CAMTA1: variants seen among roughly 807,000 people sequenced by gnomAD.
The protein encoded by CAMTA1 is calmodulin binding transcription activator 1.
In CAMTA1, 27 loss-of-function variants were observed where a neutral mutation model predicts 170.9. The observed-to-expected ratio is 0.16, with a 90% confidence interval of 0.12 to 0.22. The LOEUF is 0.22. CAMTA1 is among the 10% of genes least tolerant of loss of function. The pLI is 1.00. For missense variants in CAMTA1, 1,619 were observed against 2,217.2 expected (o/e 0.73, Z 5.42); for synonymous variants, 833 against 891.5 (o/e 0.93, Z 1.17).
chr1:6,866,538 TATTTTATGATC>T (rs1478551470), intron 3 of CAMTA1, among the ~76,000 whole-genome samples: 1 of 152,216 alleles, frequency 6.6e-6, no homozygotes, highest in African/African-American at 2.4e-5. Context: ...ATTTGATTTG[TATTTTATGATC>T]ATTTTTCCCT....
Position 6,918,516 on chromosome 1 carries a change from TTACTG to T in CAMTA1, c.234+93311_234+93315del, listed in dbSNP as rs542250726. On this transcript the variant is annotated intron_variant, in intron 3 of 22. Coordinates refer to ENST00000303635, the MANE Select transcript of CAMTA1 (RefSeq NM_015215.4). This position sits in a 1 kb window ranked among gnomAD's most constrained non-coding sequence, Gnocchi z 4.0. ...CCAATTGCATATAAATGTCTCGGCT[TTACTG>T]TACTATTTGTGCTTGAGAAATACTG... is the stretch of plus-strand genomic sequence containing the variant. 7.2e-5 allele frequency among the ~76,000 whole-genome samples: 11 copies of T among 152,352 alleles called. No individual in the cohort carries two copies. In the East Asian group the frequency reaches 1.7e-3, roughly 24 times the overall value.
chr1:7,137,675 C>G (rs1352056116), intron 4 of CAMTA1, among the ~76,000 whole-genome samples: 1 of 152,180 alleles, frequency 6.6e-6, no homozygotes, highest in Non-Finnish European at 1.5e-5. Flanking sequence ...AGCTTTGGCA[C>G]TTCCTGCTTC....
At chr1:7,156,279 A>G (rs1019233081) in intron 4 of CAMTA1, among the ~76,000 whole-genome samples, 1 of 151,606 alleles carries the variant, frequency 6.6e-6, no homozygotes, top group Non-Finnish European at 1.5e-5. Flanking sequence ...CCACCTCAAA[A>G]AAAAAAAAAA....
Position 7,282,363 on chromosome 1 carries a change from GTC to G in CAMTA1, c.438+32741_438+32742del. Among the ~76,000 whole-genome samples, 4 of 152,166 alleles carry G rather than the reference GTC, an allele frequency of 2.6e-5. No individual in the cohort carries two copies. The South Asian group carries it at 8.3e-4, about 32-fold the overall frequency. ...GTCCAGCCTTCTCTCTCCTCCAAAA[GTC>G]TCTTTCTCATTGCCTGTAGCTCTCA... On this transcript the variant is annotated intron_variant, in intron 5 of 22. Coordinates refer to ENST00000303635, the MANE Select transcript of CAMTA1 (RefSeq NM_015215.4).
intron 6 of CAMTA1, among the ~76,000 whole-genome samples, chr1:7,502,572 C>T (rs1389742177): frequency 1.3e-5 from 2 of 152,148 alleles, no homozygotes; most frequent in Non-Finnish European, 2.9e-5. Context: ...GGAAAGTCGC[C>T]TTCAGCCCCC....
intron 6 of CAMTA1, among the ~76,000 whole-genome samples, chr1:7,484,194 C>T (rs978741191): frequency 7.2e-5 from 11 of 152,306 alleles, no homozygotes; most frequent in African/African-American, 2.6e-4. Context: ...GGGTGAGTAC[C>T]TGGCACAGAG....
rs1241302377 is a variant in CAMTA1, at chr1:7,674,134, G to A, written c.2779+3097G>A. ...GCCAGGAACGACACGGGAGGAGGGG[G>A]CACTGGCAACACAGTTGGCCAATGC... is the stretch of plus-strand genomic sequence containing the variant. On this transcript the variant is annotated intron_variant, in intron 10 of 22. Coordinates refer to ENST00000303635, the MANE Select transcript of CAMTA1 (RefSeq NM_015215.4). The surrounding 1 kb of genome is among the most constrained non-coding windows in gnomAD (Gnocchi z 4.1). 6.6e-6 allele frequency among the ~76,000 whole-genome samples: 1 copy of A among 152,176 alleles called. No individual in the cohort carries two copies. Among genetic ancestry groups the A allele is most frequent in the African/African-American group, 2.4e-5 (1 of 41,446 alleles).
intron 3 of CAMTA1, chr1:6,871,650 C>T (rs184790551): frequency 4.8e-5 from 44 of 916,256 alleles, no homozygotes; most frequent in South Asian, 4.1e-4. Context: ...TGGCTCTACA[C>T]GACATCAGGA....
chr1:7,140,942 C>T (rs1645854040), intron 4 of CAMTA1, among the ~76,000 whole-genome samples: 1 of 152,138 alleles, frequency 6.6e-6, no homozygotes. Flanking sequence ...TTGAACCATC[C>T]CCACTCTCTG....
chr1:7,467,331 C>T (rs1032699068), intron 5 of CAMTA1, among the ~76,000 whole-genome samples: 6 of 152,288 alleles, frequency 3.9e-5, no homozygotes, highest in Admixed American at 2.6e-4. Context: ...TGGGAAGTGC[C>T]GCCCCACCCT....
At chr1:6,794,876 A>T (rs1642055975) in intron 1 of CAMTA1, among the ~76,000 whole-genome samples, 1 of 149,604 alleles carries the variant, frequency 6.7e-6, no homozygotes, top group African/African-American at 2.5e-5. Flanking sequence ...TCATTAGATA[A>T]AGGCTTTTTT....
At chr1:7,149,305 A>G (rs1646426886) in intron 4 of CAMTA1, among the ~76,000 whole-genome samples, 3 of 152,226 alleles carry the variant, frequency 2.0e-5, no homozygotes, top group South Asian at 4.1e-4. Context: ...CAGGAGAAAG[A>G]CTTTCTGGCA....
intron 4 of CAMTA1, among the ~76,000 whole-genome samples, chr1:7,205,747 G>C (rs927676725): frequency 6.6e-6 from 1 of 152,002 alleles, no homozygotes; most frequent in South Asian, 2.1e-4. Context: ...TTCTTTTACT[G>C]TGTGTGTATT....
intron 6 of CAMTA1, among the ~76,000 whole-genome samples, chr1:7,621,421 G>A (rs2095597421): frequency 6.6e-6 from 1 of 152,238 alleles, no homozygotes; most frequent in Admixed American, 6.5e-5. Flanking sequence ...TGGCTCCTGA[G>A]ACATTTGCTA....
intron 5 of CAMTA1, among the ~76,000 whole-genome samples, chr1:7,386,892 C>T (rs2088064191): frequency 6.6e-6 from 1 of 152,194 alleles, no homozygotes; most frequent in Admixed American, 6.5e-5. Context: ...GGTTCCATCT[C>T]ACGGCAGTCT....
intron 4 of CAMTA1, among the ~76,000 whole-genome samples, chr1:7,156,226 A>G (rs550662143): frequency 2.1e-4 from 32 of 150,864 alleles, no homozygotes; most frequent in African/African-American, 7.6e-4. Flanking sequence ...GTGAGCTGAG[A>G]TCGCCCCACT....
At chr1:7,417,899 C>T (rs1305236527) in intron 5 of CAMTA1, among the ~76,000 whole-genome samples, 1 of 152,166 alleles carries the variant, frequency 6.6e-6, no homozygotes, top group Non-Finnish European at 1.5e-5. Context: ...CGAGCTGTTC[C>T]TATTTGGCCA....
intron 5 of CAMTA1, among the ~76,000 whole-genome samples, chr1:7,366,335 CAT>C (rs1208603283): frequency 6.6e-6 from 1 of 152,210 alleles, no homozygotes; most frequent in Non-Finnish European, 1.5e-5. Context: ...CTGAGCTCCA[CAT>C]GAGGTATATT....
At chr1:7,481,292 T>C (rs2093529845) in intron 6 of CAMTA1, among the ~76,000 whole-genome samples, 3 of 152,206 alleles carry the variant, frequency 2.0e-5, no homozygotes, top group Admixed American at 6.5e-5. Flanking sequence ...TACCGTGACC[T>C]CTGAAGACCT....
Sources: allele counts gnomAD v4.1 joint callset (sites outside exome capture counted in the v4.1 genomes callset), GRCh38; gene constraint gnomAD v4.1.1; non-coding constraint Gnocchi (gnomAD v3.1); transcripts MANE v1.5; gene names NCBI Gene and HGNC (gene_info 2026-07-23, HGNC 2026-07-21).